POMGNT1: variants seen among roughly 807,000 people sequenced by gnomAD.
POMGNT1 encodes protein O-linked-mannose beta-1,2-N-acetylglucosaminyltransferase 1.
A neutral mutation model predicts 95.6 loss-of-function variants in POMGNT1; 67 were observed. The observed-to-expected ratio is 0.70, with a 90% confidence interval of 0.58 to 0.86. POMGNT1 has a LOEUF of 0.86. Ranked by LOEUF, POMGNT1 falls within the 40% of genes least tolerant of loss-of-function variation. POMGNT1 has a pLI of 0.00. For missense variants in POMGNT1, 719 were observed against 855.2 expected, an observed-to-expected ratio of 0.84 and a Z score of 1.99; for synonymous variants, 298 against 317.9, an observed-to-expected ratio of 0.94 and a Z score of 0.66.
intron 9 of POMGNT1, 124 bp from the exon 10 acceptor site, chr1:46,194,049 C>T: frequency 6.4e-7 from 1 of 1,551,662 alleles, no homozygotes; most frequent in Non-Finnish European, 8.7e-7. Context: ...GATAGAGGAT[C>T]TTCCCTGTTC....
intron 1 of POMGNT1, among the ~76,000 whole-genome samples, chr1:46,213,490 A>AT (rs1658968476): frequency 6.6e-6 from 1 of 151,912 alleles, no homozygotes; most frequent in African/African-American, 2.4e-5. Flanking sequence ...GACTTTATAT[A>AT]TGGAGAATAG....
In POMGNT1 at chr1:46,191,123, T is replaced by TG. The variant is rs1428950065; in HGVS notation, c.1540-340dup. 2.8e-5 allele frequency: 10 copies of TG among 359,248 alleles called. No individual in the cohort carries two copies. The East Asian group carries it at 7.0e-4, about 25-fold the overall frequency. 22.3% of individuals were successfully genotyped at this position (359,248 alleles called of 1,614,324 possible). On this transcript the variant is annotated intron_variant, in intron 17 of 21. Coordinates refer to ENST00000371984, the MANE Select transcript of POMGNT1 (RefSeq NM_017739.4). Reference sequence around the variant, plus strand: ...CAGAAACAGGCCCTGCAGGAGGTGGTGGGCAAAGGGACGGGCTGGGCTGGG... The same window carrying TG: ...CAGAAACAGGCCCTGCAGGAGGTGGTGGGGCAAAGGGACGGGCTGGGCTGGG...
At chr1:46,219,779 G>T (rs1659175539) in exon 1 of POMGNT1, 3 of 1,614,060 alleles carry the variant, frequency 1.9e-6, no homozygotes, top group Non-Finnish European at 2.5e-6. Context: ...TGCGCTGGCT[G>T]TTGGAGGAGC....
At chr1:46,197,952 C>G (rs1658373502) in intron 1 of POMGNT1, 81 bp from the exon 2 acceptor site, 1 of 1,367,798 alleles carries the variant, frequency 7.3e-7, no homozygotes. Context: ...GGAGGACCTC[C>G]CAGCAACTCT....
chr1:46,202,347 T>A (rs1221569215), upstream of POMGNT1, among the ~76,000 whole-genome samples: 1 of 152,054 alleles, frequency 6.6e-6, no homozygotes, highest in African/African-American at 2.4e-5. Context: ...TGGTCCCTTA[T>A]TACTTGAAGT....
rs746239517 is a variant in POMGNT1, at chr1:46,203,589, T to G, written c.-50-5718A>C. ...AGGGGCGTCTAGCACCGGCCACGAC[T>G]TGGGGGACAAGATCATGGCGCTGAA... is the stretch of plus-strand genomic sequence containing the variant. On this transcript the variant is annotated intron_variant, in intron 1 of 22. Transcript: ENST00000371992. 1.3e-5 allele frequency: 21 copies of G among 1,588,810 alleles called. No individual in the cohort carries two copies. The South Asian group carries it at 1.9e-4, about 15-fold the overall frequency.
chr1:46,210,050 C>T (rs1478327443), intron 1 of POMGNT1, among the ~76,000 whole-genome samples: 16 of 152,070 alleles, frequency 1.1e-4, no homozygotes. Context: ...TCTGATATTG[C>T]AGTTATTTAT....
At chr1:46,193,246 G>GC (rs1172161573) in intron 12 of POMGNT1, 31 bp from the exon 13 acceptor site, 1 of 1,613,980 alleles carries the variant, frequency 6.2e-7, no homozygotes, top group Non-Finnish European at 8.5e-7. Flanking sequence ...GGGCACATGA[G>GC]CTTTAGGGTA....
At chr1:46,193,662 A>G in intron 10 of POMGNT1, 23 bp from the exon 11 acceptor site, 1 of 1,613,972 alleles carries the variant, frequency 6.2e-7, no homozygotes, top group Non-Finnish European at 8.5e-7. Flanking sequence ...GGGATAGGTT[A>G]GGGTCACTTC....
intron 1 of POMGNT1, among the ~76,000 whole-genome samples, chr1:46,217,042 A>C (rs1006976305): frequency 7.9e-5 from 12 of 152,220 alleles, no homozygotes; most frequent in African/African-American, 2.9e-4. Flanking sequence ...TCTTATGCCA[A>C]CTTTCTCAGG....
intron 9 of POMGNT1, 85 bp from the exon 10 acceptor site, chr1:46,194,010 TA>T (rs1658007792): frequency 6.3e-7 from 1 of 1,585,416 alleles, no homozygotes; most frequent in Non-Finnish European, 8.6e-7. Context: ...CAGGTGAGGG[TA>T]GGTGCAGACT....
At chr1:46,210,865 C>T (rs1658873107) in intron 1 of POMGNT1, among the ~76,000 whole-genome samples, 1 of 151,964 alleles carries the variant, frequency 6.6e-6, no homozygotes, top group Non-Finnish European at 1.5e-5. Flanking sequence ...GCCTGTACTT[C>T]TCTGGCTCAA....
intron 1 of POMGNT1, among the ~76,000 whole-genome samples, chr1:46,210,082 C>T (rs937300676): frequency 6.6e-6 from 1 of 152,152 alleles, no homozygotes; most frequent in African/African-American, 2.4e-5. Flanking sequence ...CTTATTGAGA[C>T]TGCAAGCTTC....
At position 46,196,848 on chromosome 1, in the gene POMGNT1, A is replaced by C. The variant is rs748566125; in HGVS notation, c.237T>G (p.Asp79Glu). 7 of 1,614,150 alleles carry C rather than the reference A, an allele frequency of 4.3e-6. No homozygotes were observed. The highest frequency in any genetic ancestry group is 5.1e-6 in the Non-Finnish European group (6 of 1,180,024). ...NEDPEPEQDY[D>E]EALGRLEPPR... ...GGGGCTCCAGGCGGCCTAGGGCCTC[A>C]TCTGTGGGGTACAACAGGTCATGGA... is the stretch of plus-strand genomic sequence containing the variant. The change falls in exon 4 of 22, where the codon GAT (aspartate) becomes GAG (glutamate). Residue 79 changes from aspartate to glutamate, a missense_variant and splice_region_variant. Transcript: ENST00000371984. This position sits in a 1 kb window ranked among gnomAD's most constrained non-coding sequence, Gnocchi z 4.4.
At chr1:46,216,599 C>T (rs1346589626) in intron 1 of POMGNT1, among the ~76,000 whole-genome samples, 1 of 152,144 alleles carries the variant, frequency 6.6e-6, no homozygotes, top group African/African-American at 2.4e-5. Flanking sequence ...CTCTTGGCCT[C>T]TCCAAGTGCT....
intron 2 of POMGNT1, 50 bp from the exon 3 acceptor site, chr1:46,197,134 A>T (rs1345098068): frequency 6.2e-7 from 1 of 1,613,310 alleles, no homozygotes; most frequent in South Asian, 1.1e-5. Flanking sequence ...TTCAGATCCT[A>T]GAGGGTCTTT....
At chr1:46,202,390 T>G (rs576911410), upstream of POMGNT1, among the ~76,000 whole-genome samples, 117 of 152,004 alleles carry the variant, frequency 7.7e-4, no homozygotes, top group African/African-American at 2.7e-3. Context: ...ACCTGGGAGC[T>G]TATTAGAAAT....
Position 46,192,567 on chromosome 1 carries a change from AG to A in POMGNT1, c.1234del (p.Leu412TyrfsTer97). ...FFSFLSQSIH[L>X]LEEDDSLYCI... ...GTACAGGCTGTCATCCTCCTCCAGT[AG>A]GTGGATGGATTGGCTCAGGAAACTG... On this transcript the variant is annotated frameshift_variant, in exon 15 of 22. Coordinates refer to ENST00000371984, the MANE Select transcript of POMGNT1 (RefSeq NM_017739.4). LOFTEE classifies it high-confidence loss of function. 1 of 1,614,156 alleles carries A rather than the reference AG, an allele frequency of 6.2e-7. No individual in the cohort carries two copies.
intron 1 of POMGNT1, among the ~76,000 whole-genome samples, chr1:46,216,736 T>G (rs1420768934): frequency 6.6e-6 from 1 of 152,276 alleles, no homozygotes; most frequent in South Asian, 2.1e-4. Context: ...GTTGAACCCA[T>G]CACCCAGGAA....
Sources: allele counts gnomAD v4.1 joint callset (sites outside exome capture counted in the v4.1 genomes callset), GRCh38; gene constraint gnomAD v4.1.1; non-coding constraint Gnocchi (gnomAD v3.1); transcripts MANE v1.5; gene names NCBI Gene and HGNC (gene_info 2026-07-23, HGNC 2026-07-21).